The following CAMTA1 variants were observed in gnomAD, a reference collection of about 807,000 sequenced individuals.
CAMTA1 encodes calmodulin binding transcription activator 1.
In CAMTA1, 27 loss-of-function variants were observed where a neutral mutation model predicts 170.9. That is an observed-to-expected ratio of 0.16 (90% CI 0.12 to 0.22). CAMTA1 has a LOEUF of 0.22. CAMTA1 is among the 10% of genes least tolerant of loss of function. CAMTA1 has a pLI of 1.00. For synonymous variants in CAMTA1, 833 were observed against 891.5 expected, an observed-to-expected ratio of 0.93 and a Z score of 1.17; for missense variants, 1,619 against 2,217.2, an observed-to-expected ratio of 0.73 and a Z score of 5.42.
Position 7,062,721 on chromosome 1 carries a change from C to T in CAMTA1, c.235-28583C>T, listed in dbSNP as rs373312011. Among the ~76,000 whole-genome samples the T allele has an allele frequency of 5.1e-3, 783 of 152,344 alleles. 18 individuals carry two copies. The Middle Eastern group carries it at 0.054, about 11-fold the overall frequency. Reference sequence around the variant, plus strand: ...TGGGTGGCTTTACCCAACAGAAATGCACCCTCTCATAGTTCCCGAGGCCCG... The same window carrying T: ...TGGGTGGCTTTACCCAACAGAAATGTACCCTCTCATAGTTCCCGAGGCCCG... On this transcript the variant is annotated intron_variant, in intron 3 of 22. Transcript: ENST00000303635.
At chr1:7,590,180 A>G (rs770729936) in intron 6 of CAMTA1, among the ~76,000 whole-genome samples, 8 of 152,150 alleles carry the variant, frequency 5.3e-5, no homozygotes, top group Non-Finnish European at 8.8e-5. Flanking sequence ...TAAGCCCCCA[A>G]CACGGCCCTC....
intron 1 of CAMTA1, among the ~76,000 whole-genome samples, chr1:6,797,055 T>C (rs758082283): frequency 1.3e-5 from 2 of 152,238 alleles, no homozygotes; most frequent in Non-Finnish European, 2.9e-5. Context: ...CTTTGATTGA[T>C]ACCCAGTCTT....
In CAMTA1 at chr1:6,825,172, A is replaced by G. The variant is rs1489342176; in HGVS notation, c.196A>G (p.Ser66Gly). ...KLLECLPKCS[S>G]LPKERHRWNT... Reference sequence around the variant, plus strand: ...GCTTGAATGTCTGCCGAAATGTTCAAGTTTACCAAAAGAGAGGCACCGCTG... The same window carrying G: ...GCTTGAATGTCTGCCGAAATGTTCAGGTTTACCAAAAGAGAGGCACCGCTG... The change falls in exon 3 of 23, where the codon AGT becomes GGT. Residue 66 changes from serine to glycine, a missense_variant. Around this residue, in one of 8 missense-constraint regions of CAMTA1, gnomAD observed 97 missense variants for 225.4 expected, o/e 0.43. Transcript: ENST00000303635. 2 of 1,610,758 alleles carry G rather than the reference A, an allele frequency of 1.2e-6. No individual in the cohort carries two copies. The highest frequency in any genetic ancestry group is 1.3e-5 in the African/African-American group (1 of 74,770).
At position 7,450,435 on chromosome 1, in the gene CAMTA1, G is replaced by A. The variant is rs113207758; in HGVS notation, c.439-17395G>A. 1.0e-2 allele frequency among the ~76,000 whole-genome samples: 1,522 copies of A among 152,278 alleles called. 33 individuals are homozygous for A. Among genetic ancestry groups the A allele is most frequent in the African/African-American group, 0.035 (1,455 of 41,552 alleles). ...AGCAGCCACAAGAAGGAAAGCAGGC[G>A]CCCTGCCACCTCCACCCACCTCTGC... On this transcript the variant is annotated intron_variant, in intron 5 of 22. Coordinates refer to ENST00000303635, the MANE Select transcript of CAMTA1 (RefSeq NM_015215.4).
At chr1:7,091,683 C>T (rs956774665) in intron 4 of CAMTA1, among the ~76,000 whole-genome samples, 1 of 152,142 alleles carries the variant, frequency 6.6e-6, no homozygotes, top group East Asian at 1.9e-4. Flanking sequence ...GGAAATTGCT[C>T]GCCTGCCACT....
At chr1:7,313,081 C>T (rs550651806) in intron 5 of CAMTA1, among the ~76,000 whole-genome samples, 1 of 152,160 alleles carries the variant, frequency 6.6e-6, no homozygotes, top group Non-Finnish European at 1.5e-5. Context: ...CTCCCACCCC[C>T]CAGAACTACT....
At position 7,024,028 on chromosome 1, in the gene CAMTA1, C is replaced by CAAAA. The variant is rs35095557; in HGVS notation, c.235-67262_235-67259dup. ...TGGGGGACAGAGCGAGACTCTGTCT[C>CAAAA]AAAAAAAAAAAAAAAAAGAAAGAAA... On this transcript the variant is annotated intron_variant, in intron 3 of 22. Coordinates refer to ENST00000303635, the MANE Select transcript of CAMTA1 (RefSeq NM_015215.4). Among the ~76,000 whole-genome samples the CAAAA allele has an allele frequency of 5.9e-3, 562 of 95,618 alleles. 3 individuals are homozygous for CAAAA. Among genetic ancestry groups the CAAAA allele is most frequent in the African/African-American group, 0.021 (515 of 24,446 alleles). The allele number at this position is 95,618 out of a possible 152,430, so 62.7% of individuals were successfully genotyped here. A position where few individuals can be genotyped will look rare whatever the true frequency, so the allele number is the denominator to read the frequency against.
intron 4 of CAMTA1, among the ~76,000 whole-genome samples, chr1:7,204,971 A>G (rs7530130): frequency 0.53 from 80,705 of 150,918 alleles, 22,068 homozygotes; most frequent in South Asian, 0.61. Context: ...CTGGGACTAC[A>G]GGTGCCCGGA....
At chr1:7,451,568 T>C (rs895201905) in intron 5 of CAMTA1, among the ~76,000 whole-genome samples, 3 of 152,122 alleles carry the variant, frequency 2.0e-5, no homozygotes, top group Non-Finnish European at 2.9e-5. Context: ...GTGTGCCAAG[T>C]GCTGTGTCAG....
At chr1:7,220,969 C>G (rs1660644333) in intron 4 of CAMTA1, among the ~76,000 whole-genome samples, 1 of 152,212 alleles carries the variant, frequency 6.6e-6, no homozygotes, top group Non-Finnish European at 1.5e-5. Flanking sequence ...CTCCCTCCCA[C>G]CTGGTTGTCA....
chr1:7,552,629 C>T (rs960324895), intron 6 of CAMTA1, among the ~76,000 whole-genome samples: 3 of 152,340 alleles, frequency 2.0e-5, no homozygotes, highest in South Asian at 2.1e-4. Context: ...TCACTGCCCA[C>T]GCATATCCAG....
chr1:7,026,348 CA>C (rs1052006209), intron 3 of CAMTA1, among the ~76,000 whole-genome samples: 11 of 151,446 alleles, frequency 7.3e-5, no homozygotes, highest in South Asian at 4.2e-4. Flanking sequence ...CCTATATGTC[CA>C]GGGGGGGAGT....
At chr1:7,444,663 A>G (rs2092634421) in intron 5 of CAMTA1, among the ~76,000 whole-genome samples, 1 of 152,214 alleles carries the variant, frequency 6.6e-6, no homozygotes, top group Admixed American at 6.5e-5. Context: ...AGAAGCATCC[A>G]CTTCTGCCTG....
At chr1:7,089,558 C>CCCATCCCATG (rs1465560119) in intron 3 of CAMTA1, among the ~76,000 whole-genome samples, 1 of 140,150 alleles carries the variant, frequency 7.1e-6, no homozygotes, top group South Asian at 2.6e-4. Context: ...CCCATCCCAT[C>CCCATCCCATG]CCATCCCATC....
chr1:6,786,349 G>T (rs1366491684), intron 1 of CAMTA1, among the ~76,000 whole-genome samples: 1 of 152,102 alleles, frequency 6.6e-6, no homozygotes, highest in African/African-American at 2.4e-5. Flanking sequence ...AGCCAGGAGG[G>T]TGGGGTCTCC....
intron 5 of CAMTA1, among the ~76,000 whole-genome samples, chr1:7,258,623 A>G (rs1289943798): frequency 2.0e-5 from 3 of 152,226 alleles, no homozygotes; most frequent in African/African-American, 7.2e-5. Context: ...TTGGAAGACC[A>G]TAATAGATAC....
rs1673678070 is a variant in CAMTA1 at position 6,887,956 on chromosome 1, C to G, written c.234+62746C>G. On this transcript the variant is annotated intron_variant, in intron 3 of 22. Coordinates refer to ENST00000303635, the MANE Select transcript of CAMTA1 (RefSeq NM_015215.4). The surrounding 1 kb of genome is among the most constrained non-coding windows in gnomAD (Gnocchi z 4.1). Reference sequence around the variant, plus strand: ...TGACTGAGCTCTGGAGAGCAGGGCTCTGTGCACACGCCTCCTGGTCCAGAG... The same window carrying G: ...TGACTGAGCTCTGGAGAGCAGGGCTGTGTGCACACGCCTCCTGGTCCAGAG... 1 of 1,282,948 alleles carries G rather than the reference C, an allele frequency of 7.8e-7. No individual in the cohort carries two copies. Among genetic ancestry groups the G allele is most frequent in the African/African-American group, 1.5e-5 (1 of 66,078 alleles). The allele number at this position is 1,282,948 out of a possible 1,614,324, so 79.5% of individuals were successfully genotyped here.
chr1:6,836,643 G>A (rs1203149617), intron 3 of CAMTA1, among the ~76,000 whole-genome samples: 1 of 152,130 alleles, frequency 6.6e-6, no homozygotes, highest in Non-Finnish European at 1.5e-5. Flanking sequence ...TCATCCAGGT[G>A]GGGCGTCTGC....
rs2094835827 is a variant in CAMTA1, at chr1:7,553,501, C to A, written c.510+85600C>A. Among the ~76,000 whole-genome samples, 3 of 152,182 alleles carry A rather than the reference C, an allele frequency of 2.0e-5. No homozygotes were observed. The South Asian group carries it at 6.2e-4, about 32-fold the overall frequency. Reference sequence around the variant, plus strand: ...TGGAGGGAGCTCACAGCCTAGTGGACTGAAAGATTGAAAGCAAGAGGGATA... The same window carrying A: ...TGGAGGGAGCTCACAGCCTAGTGGAATGAAAGATTGAAAGCAAGAGGGATA... On this transcript the variant is annotated intron_variant, in intron 6 of 22. Transcript: ENST00000303635.
Sources: allele counts gnomAD v4.1 joint callset (sites outside exome capture counted in the v4.1 genomes callset), GRCh38; gene constraint gnomAD v4.1.1; regional missense constraint gnomAD v4.1.1; non-coding constraint Gnocchi (gnomAD v3.1); transcripts MANE v1.5; gene names NCBI Gene and HGNC (gene_info 2026-07-23, HGNC 2026-07-21).